Variants in SPAG16 observed in about 807,000 individuals in gnomAD.
The protein encoded by SPAG16 is sperm associated antigen 16, also known as sperm-associated antigen 16 protein.
A neutral mutation model predicts 80.4 loss-of-function variants in SPAG16; 86 were observed. The observed-to-expected ratio is 1.07, with a 90% CI of 0.90 to 1.28. SPAG16 has a LOEUF of 1.28. Ranked by LOEUF, SPAG16 falls within the 50% of genes most tolerant of loss-of-function variation. SPAG16 has a pLI of 0.00. For synonymous variants in SPAG16, 294 were observed against 265.9 expected, an observed-to-expected ratio of 1.11 and a Z score of -1.03; for missense variants, 870 against 765.3, an observed-to-expected ratio of 1.14 and a Z score of -1.61.
At chr2:213,884,104 A>G (rs577526882) in intron 11 of SPAG16, among the ~76,000 whole-genome samples, 11 of 152,206 alleles carry the variant, frequency 7.2e-5, no homozygotes, top group Admixed American at 2.0e-4. Flanking sequence ...CCTAGTGCCT[A>G]TGGGCTATGT....
intron 15 of SPAG16, among the ~76,000 whole-genome samples, chr2:214,232,977 G>T (rs917018842): frequency 4.6e-5 from 7 of 151,996 alleles, no homozygotes; most frequent in Admixed American, 2.0e-4. Context: ...AAATGAATGA[G>T]CACAGAGCAA....
chr2:213,688,104 G>T (rs536313792), intron 10 of SPAG16, among the ~76,000 whole-genome samples: 246 of 152,234 alleles, frequency 1.6e-3, no homozygotes, highest in African/African-American at 5.6e-3. Context: ...TTTGAACTTG[G>T]GGGGAGGATT....
rs2047463814 is a variant in SPAG16, at chr2:214,014,112, G to C, written c.1527+35G>C. ...TCATTCACTTTTTTTCCCAGCTTTT[G>C]ATAAGTCTGATTACTCTCGGTCATT... On this transcript the variant is annotated intron_variant, in intron 13 of 15. Transcript: ENST00000331683. The C allele has an allele frequency of 7.5e-6, 12 of 1,606,870 alleles. No individual in the cohort carries two copies. In the South Asian group the frequency reaches 1.2e-4, roughly 16 times the overall value.
chr2:213,653,939 T>G (rs971354454), intron 10 of SPAG16, among the ~76,000 whole-genome samples: 13 of 152,260 alleles, frequency 8.5e-5, no homozygotes, highest in African/African-American at 2.9e-4. Context: ...CTTAAAAAAT[T>G]TTACATTTTT....
chr2:214,157,345 G>A (rs2056260280), intron 15 of SPAG16, among the ~76,000 whole-genome samples: 1 of 151,958 alleles, frequency 6.6e-6, no homozygotes, highest in South Asian at 2.1e-4. Context: ...TCATTAAAAT[G>A]TAATTTTAAT....
intron 10 of SPAG16, among the ~76,000 whole-genome samples, chr2:213,519,275 C>T (rs562403146): frequency 6.6e-6 from 1 of 152,302 alleles, no homozygotes; most frequent in Non-Finnish European, 1.5e-5. Flanking sequence ...TTAGCTTTAA[C>T]ATTTTATCCT....
intron 9 of SPAG16, among the ~76,000 whole-genome samples, chr2:213,405,828 T>G (rs1213084294): frequency 6.6e-6 from 1 of 152,220 alleles, no homozygotes; most frequent in Non-Finnish European, 1.5e-5. Context: ...TTAAGTTCTT[T>G]ATTCAGAATT....
intron 9 of SPAG16, among the ~76,000 whole-genome samples, chr2:213,384,731 T>C (rs1198110828): frequency 6.6e-6 from 1 of 152,190 alleles, no homozygotes; most frequent in Non-Finnish European, 1.5e-5. Flanking sequence ...AGGCAAGAGA[T>C]AGTGACTTTT....
intron 3 of SPAG16, among the ~76,000 whole-genome samples, chr2:213,299,895 G>T (rs1031450807): frequency 1.3e-5 from 2 of 152,084 alleles, no homozygotes; most frequent in African/African-American, 2.4e-5. Context: ...TCGTTAGATT[G>T]TGTCTGTGTG....
chr2:213,590,945 T>G (rs2060667677), intron 10 of SPAG16, among the ~76,000 whole-genome samples: 1 of 152,056 alleles, frequency 6.6e-6, no homozygotes. Flanking sequence ...ATGTTATCTA[T>G]ACACCATAGA....
chr2:213,533,327 C>T (rs1039422926), intron 10 of SPAG16, among the ~76,000 whole-genome samples: 6 of 152,142 alleles, frequency 3.9e-5, no homozygotes, highest in Admixed American at 6.6e-5. Context: ...CCTCCTATGC[C>T]TGATTATTCT....
chr2:213,807,945 G>C lies in SPAG16; in HGVS notation c.1071-54540G>C, dbSNP rs149484350. 4.0e-3 allele frequency among the ~76,000 whole-genome samples: 604 copies of C among 152,256 alleles called. 3 individuals are homozygous for C. Among genetic ancestry groups the C allele is most frequent in the African/African-American group, 0.013 (542 of 41,568 alleles). On this transcript the variant is annotated intron_variant, in intron 10 of 15. Coordinates refer to ENST00000331683, the MANE Select transcript of SPAG16 (RefSeq NM_024532.5). ...CTATTTATTGTTTCACCTAGCTAGTGACCTATGATAGGCCTTGGTGCCAAA... is the reference window on the plus strand; with the variant it reads ...CTATTTATTGTTTCACCTAGCTAGTCACCTATGATAGGCCTTGGTGCCAAA...
intron 9 of SPAG16, among the ~76,000 whole-genome samples, chr2:213,467,786 C>T (rs1037654533): frequency 2.0e-5 from 3 of 152,354 alleles, no homozygotes; most frequent in African/African-American, 2.4e-5. Flanking sequence ...ACAGTCCACC[C>T]TCCAATGGTT....
chr2:213,930,407 T>A (rs1018303841), intron 12 of SPAG16, among the ~76,000 whole-genome samples: 4 of 152,196 alleles, frequency 2.6e-5, no homozygotes, highest in African/African-American at 9.7e-5. Flanking sequence ...ATTGCTTCAT[T>A]GGAAAGCTGT....
intron 15 of SPAG16, among the ~76,000 whole-genome samples, chr2:214,373,424 A>T (rs1699933905): frequency 6.6e-6 from 1 of 152,206 alleles, no homozygotes; most frequent in African/African-American, 2.4e-5. Context: ...TTATCCTCTC[A>T]GAACAATACC....
chr2:213,330,947 G>A (rs1233690917), intron 5 of SPAG16, among the ~76,000 whole-genome samples: 2 of 152,146 alleles, frequency 1.3e-5, no homozygotes, highest in African/African-American at 2.4e-5. Context: ...CATGTAAGAT[G>A]TGTTTGCTCC....
chr2:213,838,123 GAA>G (rs1233370289), intron 10 of SPAG16, among the ~76,000 whole-genome samples: 2 of 151,810 alleles, frequency 1.3e-5, no homozygotes, highest in East Asian at 1.9e-4. Context: ...AAAAAAAAAA[GAA>G]AGAGACAAAT....
At chr2:214,288,384 T>C (rs966261205) in intron 15 of SPAG16, among the ~76,000 whole-genome samples, 6 of 152,236 alleles carry the variant, frequency 3.9e-5, no homozygotes, top group African/African-American at 1.4e-4. Flanking sequence ...CGCAAAGACA[T>C]GCAAGTGCAG....
intron 13 of SPAG16, among the ~76,000 whole-genome samples, chr2:214,106,124 T>C (rs2053370677): frequency 6.6e-6 from 1 of 152,150 alleles, no homozygotes; most frequent in South Asian, 2.1e-4. Context: ...TGCAAAACTT[T>C]CATTAATACA....
Sources: gnomAD v4.1 joint callset for allele counts (sites outside exome capture counted in the v4.1 genomes callset) on GRCh38, gnomAD v4.1.1 for gene constraint, MANE v1.5 for transcripts, NCBI Gene and HGNC (gene_info 2026-07-23, HGNC 2026-07-21) for gene names.